Variants in KCNK2 observed in about 807,000 individuals in gnomAD.
KCNK2 encodes potassium channel subfamily K member 2.
In KCNK2, 21 loss-of-function variants were observed where a neutral mutation model predicts 40.5. That is an observed-to-expected ratio of 0.52 (90% CI 0.37 to 0.75). The LOEUF (loss-of-function observed/expected upper bound fraction) is 0.75. KCNK2 is among the 30% of genes least tolerant of loss of function. The pLI is 0.00. For missense variants in KCNK2, 399 were observed against 531.6 expected (o/e 0.75, Z 2.45); for synonymous variants, 191 against 202.2 (o/e 0.94, Z 0.47).
At chr1:215,147,874 T>C (rs1439918924) in intron 3 of KCNK2, among the ~76,000 whole-genome samples, 1 of 151,950 alleles carries the variant, frequency 6.6e-6, no homozygotes, top group Non-Finnish European at 1.5e-5. Context: ...CGAGATGTGA[T>C]TGTCATTTCA....
intron 1 of KCNK2, among the ~76,000 whole-genome samples, chr1:215,051,448 G>T (rs530149585): frequency 8.5e-5 from 13 of 152,184 alleles, no homozygotes; most frequent in Non-Finnish European, 1.9e-4. Context: ...TCAGATGTGG[G>T]TGTACTATAA....
chr1:215,040,582 C>T (rs902159157), intron 1 of KCNK2, among the ~76,000 whole-genome samples: 7 of 152,204 alleles, frequency 4.6e-5, no homozygotes, highest in East Asian at 3.9e-4. Flanking sequence ...TTCCAGTTAA[C>T]GGAAGTATCT....
At chr1:215,130,117 G>A (rs1661602836) in intron 3 of KCNK2, among the ~76,000 whole-genome samples, 1 of 152,166 alleles carries the variant, frequency 6.6e-6, no homozygotes, top group Non-Finnish European at 1.5e-5. Context: ...TATCAGATTG[G>A]AACTTTCAGC....
chr1:215,175,379 G>C (rs1190890547), intron 5 of KCNK2, among the ~76,000 whole-genome samples: 2 of 151,966 alleles, frequency 1.3e-5, no homozygotes, highest in African/African-American at 4.8e-5. Flanking sequence ...TTAATGAAGG[G>C]AATATAATCA....
intron 3 of KCNK2, among the ~76,000 whole-genome samples, chr1:215,159,748 T>G (rs1178466145): frequency 6.6e-6 from 1 of 152,136 alleles, no homozygotes; most frequent in East Asian, 1.9e-4. Flanking sequence ...TCCCTACAAA[T>G]AACTTATTAA....
intron 6 of KCNK2, among the ~76,000 whole-genome samples, chr1:215,219,938 G>A (rs1373493507): frequency 6.6e-6 from 1 of 152,122 alleles, no homozygotes; most frequent in Non-Finnish European, 1.5e-5. Flanking sequence ...AGATGTTCCA[G>A]ACTCAACTTA....
intron 2 of KCNK2, among the ~76,000 whole-genome samples, chr1:215,122,088 GA>G (rs527310076): frequency 7.2e-5 from 11 of 152,022 alleles, no homozygotes; most frequent in East Asian, 5.8e-4. Context: ...ATTCAAAGTG[GA>G]AAAAAAGTGA....
At chr1:215,094,307 T>G (rs1659884003) in intron 2 of KCNK2, among the ~76,000 whole-genome samples, 2 of 152,084 alleles carry the variant, frequency 1.3e-5, no homozygotes, top group Admixed American at 1.3e-4. Flanking sequence ...ATAAATACTT[T>G]CTGTCCTTTC....
Position 215,234,917 on chromosome 1 carries a change from T to G in KCNK2, c.1053T>G (p.Ile351Met), listed in dbSNP as rs777330377. The change falls in exon 7 of 7, where the codon ATT (isoleucine) becomes ATG (methionine). Residue 351 changes from isoleucine (I) to methionine (M), a missense_variant. Physicochemically the swap from Ile to Met is conservative, Grantham distance 10. Transcript: ENST00000444842. ...CCAGGAGGCGACTGAGTGTGGAGAT[T>G]TATGACAAGTTCCAGCGGGCCACCT... The part of the protein sequence containing the change: ...KETRRRLSVE[I>M]YDKFQRATSI... 33 of 1,613,906 alleles carry G rather than the reference T, an allele frequency of 2.0e-5. No individual in the cohort carries two copies. Among genetic ancestry groups the G allele is most frequent in the Non-Finnish European group, 2.3e-5 (27 of 1,180,012 alleles).
intron 2 of KCNK2, among the ~76,000 whole-genome samples, chr1:215,113,288 G>C (rs1660781545): frequency 6.6e-6 from 1 of 152,052 alleles, no homozygotes; most frequent in African/African-American, 2.4e-5. Flanking sequence ...GTAAATGATA[G>C]CTATATGCAA....
At chr1:215,055,628 A>G (rs1658132124) in intron 1 of KCNK2, among the ~76,000 whole-genome samples, 2 of 152,210 alleles carry the variant, frequency 1.3e-5, no homozygotes, top group Admixed American at 1.3e-4. Context: ...CCACTTGAAT[A>G]AAGAGAAAGT....
At chr1:215,083,486 AG>A (rs1659277538) in intron 1 of KCNK2, 55 bp downstream of exon 1, 1 of 1,344,670 alleles carries the variant, frequency 7.4e-7, no homozygotes, top group South Asian at 1.2e-5. Context: ...CTCCTGCCCC[AG>A]CCTTTTCTGG....
chr1:215,133,805 C>T (rs1000070644), intron 3 of KCNK2, among the ~76,000 whole-genome samples: 5 of 152,006 alleles, frequency 3.3e-5, no homozygotes, highest in South Asian at 2.1e-4. Flanking sequence ...GTGACTTATT[C>T]CAAATGGAAA....
chr1:215,085,556 T>C (rs1423875910), intron 1 of KCNK2, among the ~76,000 whole-genome samples: 4 of 152,240 alleles, frequency 2.6e-5, no homozygotes, highest in African/African-American at 9.6e-5. Flanking sequence ...ACAGAGCATG[T>C]AGACAGTCAA....
chr1:215,129,044 A>T (rs1345410741), intron 3 of KCNK2, among the ~76,000 whole-genome samples: 1 of 152,184 alleles, frequency 6.6e-6, no homozygotes, highest in African/African-American at 2.4e-5. Context: ...GGATGTATTG[A>T]CTGGGATGAT....
intron 6 of KCNK2, among the ~76,000 whole-genome samples, chr1:215,199,256 C>G (rs1325733959): frequency 6.6e-6 from 1 of 151,952 alleles, no homozygotes; most frequent in Non-Finnish European, 1.5e-5. Context: ...TTCCAGTGAG[C>G]CGAGATCATG....
At chr1:215,070,369 TTG>T in intron 1 of KCNK2, among the ~76,000 whole-genome samples, 1 of 140,632 alleles carries the variant, frequency 7.1e-6, no homozygotes, top group Non-Finnish European at 1.5e-5. Flanking sequence ...TGAGCCGAGA[TTG>T]CACCACTGCA....
intron 1 of KCNK2, among the ~76,000 whole-genome samples, chr1:215,061,714 G>C (rs1658367684): frequency 6.6e-6 from 1 of 152,072 alleles, no homozygotes; most frequent in East Asian, 1.9e-4. Context: ...TAATTTTGTA[G>C]TTTGGATAAT....
chr1:215,085,184 T>C (rs1659374746), intron 1 of KCNK2, among the ~76,000 whole-genome samples: 1 of 152,206 alleles, frequency 6.6e-6, no homozygotes, highest in Non-Finnish European at 1.5e-5. Flanking sequence ...TTAGATAAGA[T>C]TATCATTTTA....
Sources: allele counts gnomAD v4.1 joint callset (sites outside exome capture counted in the v4.1 genomes callset), GRCh38; gene constraint gnomAD v4.1.1; transcripts MANE v1.5; gene names NCBI Gene and HGNC (gene_info 2026-07-23, HGNC 2026-07-21).